IMPG1: variants seen among roughly 807,000 people sequenced by gnomAD.
The protein encoded by IMPG1 is interphotoreceptor matrix proteoglycan 1, also known as interphotoreceptor matrix proteoglycan of 150 kDa.
A neutral mutation model predicts 92.0 loss-of-function variants in IMPG1; 85 were observed. That is an observed-to-expected ratio of 0.92 (90% CI 0.78 to 1.11). The LOEUF (loss-of-function observed/expected upper bound fraction) is 1.11, where lower values mean the gene tolerates loss of function less well. Among genes scored for constraint, IMPG1 ranks in the 50% least tolerant of loss-of-function variants. The pLI is 0.00. For missense variants in IMPG1, 1,022 were observed against 956.0 expected, an observed-to-expected ratio of 1.07 and a Z score of -0.91; for synonymous variants, 367 against 334.1, an observed-to-expected ratio of 1.10 and a Z score of -1.08.
At chr6:75,970,570 C>T (rs1382478706) in intron 12 of IMPG1, among the ~76,000 whole-genome samples, 1 of 152,124 alleles carries the variant, frequency 6.6e-6, no homozygotes. Context: ...TTATAATCAG[C>T]CCTTATATGA....
intron 12 of IMPG1, among the ~76,000 whole-genome samples, chr6:75,987,584 A>G (rs1470887151): frequency 3.3e-5 from 5 of 150,318 alleles, no homozygotes; most frequent in Non-Finnish European, 5.9e-5. Flanking sequence ...CCTTGGCGAT[A>G]GTTTGCTCAG....
chr6:76,054,118 T>C (rs1220810208), intron 1 of IMPG1, among the ~76,000 whole-genome samples: 1 of 152,182 alleles, frequency 6.6e-6, no homozygotes, highest in East Asian at 1.9e-4. Flanking sequence ...TTTGCTCTGG[T>C]TTGTAACTTG....
rs931264216 is a variant in IMPG1 at position 76,005,270 on chromosome 6, A to G, written c.1135+17T>C. 1 of 1,612,040 alleles carries G rather than the reference A, an allele frequency of 6.2e-7. No individual in the cohort carries two copies. The highest frequency in any genetic ancestry group is 1.3e-5 in the African/African-American group (1 of 74,974). On this transcript the variant is annotated intron_variant, in intron 10 of 16. Coordinates refer to ENST00000369950, the MANE Select transcript of IMPG1 (RefSeq NM_001563.4). ...CAAAATGAGAATAAACTCAGAACTA[A>G]GCAATCATTAACTGACCATCAGTGA...
At chr6:76,028,073 C>T (rs1407646318) in intron 4 of IMPG1, among the ~76,000 whole-genome samples, 4 of 152,136 alleles carry the variant, frequency 2.6e-5, no homozygotes, top group Non-Finnish European at 5.9e-5. Context: ...GTAAATAATG[C>T]TAATCTATGT....
chr6:76,041,191 G>T (rs546305138), intron 2 of IMPG1, among the ~76,000 whole-genome samples: 1 of 152,158 alleles, frequency 6.6e-6, no homozygotes, highest in Non-Finnish European at 1.5e-5. Flanking sequence ...TCCATAGGAA[G>T]TTAGTGAAAA....
intron 1 of IMPG1, among the ~76,000 whole-genome samples, chr6:76,069,021 T>C (rs1413233729): frequency 1.3e-5 from 2 of 152,124 alleles, no homozygotes; most frequent in Admixed American, 6.6e-5. Flanking sequence ...AACAGCATGG[T>C]ACTGATATAA....
intron 4 of IMPG1, 111 bp from the exon 5 acceptor site, chr6:76,025,369 G>T: frequency 1.9e-6 from 1 of 514,468 alleles, no homozygotes; most frequent in Non-Finnish European, 3.4e-6. Flanking sequence ...TATAGGAAAA[G>T]CATACTTTAA....
chr6:75,957,935 T>C (rs1782155832), intron 12 of IMPG1, among the ~76,000 whole-genome samples: 2 of 152,230 alleles, frequency 1.3e-5, no homozygotes, highest in Admixed American at 1.3e-4. Flanking sequence ...TGTGTGAATT[T>C]GATCCTGTCA....
intron 5 of IMPG1, among the ~76,000 whole-genome samples, chr6:76,023,254 C>T (rs1225689747): frequency 1.3e-5 from 2 of 152,166 alleles, no homozygotes; most frequent in African/African-American, 2.4e-5. Context: ...AAGAATCCTG[C>T]TGTGAGCAAT....
chr6:76,017,058 C>G (rs988319713), intron 7 of IMPG1, among the ~76,000 whole-genome samples: 1 of 151,896 alleles, frequency 6.6e-6, no homozygotes, highest in African/African-American at 2.4e-5. Flanking sequence ...TAAAACAAGA[C>G]TTGGAGAAGG....
chr6:75,970,870 C>T (rs1190470537), intron 12 of IMPG1, among the ~76,000 whole-genome samples: 2 of 152,120 alleles, frequency 1.3e-5, no homozygotes, highest in African/African-American at 2.4e-5. Context: ...TTAATAACTT[C>T]ATATGTAAAC....
Position 75,947,564 on chromosome 6 carries a change from T to G in IMPG1, c.1825-31A>C, listed in dbSNP as rs372193265. ...AAATAAAAGATGGTTTCCTCTTAAC[T>G]GTGTTCTAAGTGCTCAGCTGCTGCT... On this transcript the variant is annotated intron_variant, in intron 13 of 16. Transcript: ENST00000369950. 28 of 1,526,124 alleles carry G rather than the reference T, an allele frequency of 1.8e-5. 1 individual carries two copies. The African/African-American group carries it at 2.0e-4, about 11-fold the overall frequency. The allele number at this position is 1,526,124 out of a possible 1,614,324, so 94.5% of individuals were successfully genotyped here.
intron 12 of IMPG1, among the ~76,000 whole-genome samples, chr6:75,960,164 C>T (rs1052513200): frequency 1.4e-4 from 21 of 152,118 alleles, no homozygotes; most frequent in African/African-American, 5.1e-4. Context: ...GATGCCCCAC[C>T]CCACCCTGCT....
At chr6:75,999,657 A>T (rs1407998812) in intron 12 of IMPG1, among the ~76,000 whole-genome samples, 1 of 152,056 alleles carries the variant, frequency 6.6e-6, no homozygotes, top group Non-Finnish European at 1.5e-5. Flanking sequence ...TTTCATTAAG[A>T]TATGTCATTT....
At position 76,018,651 on chromosome 6, in the gene IMPG1, A is replaced by G. The variant is rs570965827; in HGVS notation, c.807+67T>C. On this transcript the variant is annotated intron_variant, in intron 7 of 16. Transcript: ENST00000369950. Reference sequence around the variant, plus strand: ...CTGGAACTGTTCGCCGTAAGGGTTTATGTCCTATCGGCTCCCACCTCTCAG... The same window carrying G: ...CTGGAACTGTTCGCCGTAAGGGTTTGTGTCCTATCGGCTCCCACCTCTCAG... 3.4e-6 allele frequency: 5 copies of G among 1,459,982 alleles called. No homozygotes were observed. The African/African-American group carries it at 5.7e-5, about 17-fold the overall frequency. The allele number at this position is 1,459,982 out of a possible 1,614,324, so 90.4% of individuals were successfully genotyped here.
intron 2 of IMPG1, among the ~76,000 whole-genome samples, chr6:76,036,984 A>C (rs2149488792): frequency 6.6e-6 from 1 of 152,344 alleles, no homozygotes; most frequent in Non-Finnish European, 1.5e-5. Context: ...GAGAGCAAAA[A>C]ATGTTGGAAG....
intron 12 of IMPG1, among the ~76,000 whole-genome samples, chr6:75,966,999 G>A (rs915463807): frequency 9.9e-5 from 15 of 152,116 alleles, no homozygotes; most frequent in African/African-American, 2.9e-4. Flanking sequence ...CCAACATGGC[G>A]AAAACCCATC....
chr6:75,930,119 T>C (rs1467336995), intron 15 of IMPG1, among the ~76,000 whole-genome samples: 2 of 152,246 alleles, frequency 1.3e-5, no homozygotes, highest in Non-Finnish European at 2.9e-5. Context: ...CTCTAAAGTC[T>C]GGTTCCTGAA....
At chr6:76,025,317 G>C (rs914886746) in intron 4 of IMPG1, 59 bp from the exon 5 acceptor site, 17 of 904,014 alleles carry the variant, frequency 1.9e-5, no homozygotes, top group Non-Finnish European at 2.5e-5. Flanking sequence ...TGACAGTAGA[G>C]AACATACATT....
Sources: allele counts gnomAD v4.1 joint callset (sites outside exome capture counted in the v4.1 genomes callset), GRCh38; gene constraint gnomAD v4.1.1; transcripts MANE v1.5; gene names NCBI Gene and HGNC (gene_info 2026-07-23, HGNC 2026-07-21).